Variants in PLAGL1 observed in about 807,000 individuals in gnomAD.
The protein encoded by PLAGL1 is zinc finger protein PLAGL1.
Under a neutral mutation model 4.6 loss-of-function variants are expected in PLAGL1, and 1 was observed. That is an observed-to-expected ratio of 0.22 (90% confidence interval 0.08 to 1.03). PLAGL1 has a LOEUF of 1.03. Ranked by LOEUF, PLAGL1 falls within the 50% of genes least tolerant of loss-of-function variation. PLAGL1 has a pLI of 0.58. For synonymous variants in PLAGL1, 240 were observed against 237.8 expected (o/e 1.01, Z -0.08); for missense variants, 464 against 570.4 (o/e 0.81, Z 1.90).
rs762221669 is a variant in PLAGL1, at chr6:143,947,421, C to A, written c.152+564G>T. 5.3e-5 allele frequency among the ~76,000 whole-genome samples: 8 copies of A among 152,350 alleles called. No homozygotes were observed. The highest frequency in any genetic ancestry group is 3.4e-3 in the Middle Eastern group (1 of 294). The stretch of plus-strand genomic sequence containing the variant: ...GAATCATATTTCTTCACTACTTATA[C>A]ACCTGAATGAGACAAACCCTCTCAG... On this transcript the variant is annotated intron_variant, in intron 7 of 7. Coordinates refer to ENST00000674357, the MANE Select transcript of PLAGL1 (RefSeq NM_001317162.2). The surrounding 1 kb of genome is among the most constrained non-coding windows in gnomAD (Gnocchi z 4.3).
chr6:143,974,538 T>C (rs1453387543), intron 2 of PLAGL1, among the ~76,000 whole-genome samples: 1 of 152,020 alleles, frequency 6.6e-6, no homozygotes, highest in East Asian at 1.9e-4. Context: ...AGGACAGAAA[T>C]GGACTTTGCA....
chr6:143,992,848 C>T (rs1456599862), intron 1 of PLAGL1, among the ~76,000 whole-genome samples: 7 of 149,350 alleles, frequency 4.7e-5, no homozygotes, highest in East Asian at 2.0e-4. Context: ...TGTGGTGGCG[C>T]GTGCCTGTAA....
intron 1 of PLAGL1, among the ~76,000 whole-genome samples, chr6:144,020,108 C>G (rs188129915): frequency 6.6e-6 from 1 of 152,140 alleles, no homozygotes; most frequent in Non-Finnish European, 1.5e-5. Flanking sequence ...CTCCTTCTCT[C>G]CCTCTCTCCA....
chr6:143,943,217 A>G (rs1382931547), intron 7 of PLAGL1, among the ~76,000 whole-genome samples: 4 of 151,790 alleles, frequency 2.6e-5, no homozygotes, highest in African/African-American at 9.7e-5. Flanking sequence ...TTCTGAACAA[A>G]GTATGCAAGT....
chr6:144,007,023 G>T (rs1361690266), intron 1 of PLAGL1: 1 of 152,148 alleles, frequency 6.6e-6, no homozygotes, highest in Non-Finnish European at 1.5e-5. Context: ...GAAAAACATT[G>T]TTCTTAAGGA....
chr6:144,010,858 G>T (rs1375206782), upstream of PLAGL1, among the ~76,000 whole-genome samples: 2 of 152,182 alleles, frequency 1.3e-5, no homozygotes, highest in Non-Finnish European at 2.9e-5. This position sits in a 1 kb window ranked among gnomAD's most constrained non-coding sequence, Gnocchi z 4.1. Context: ...ATAGGTAAAA[G>T]ATTCCCTAGT....
At chr6:143,974,110 C>T (rs952342259) in intron 2 of PLAGL1, among the ~76,000 whole-genome samples, 6 of 152,116 alleles carry the variant, frequency 3.9e-5, no homozygotes, top group African/African-American at 1.4e-4. Flanking sequence ...GTTACCTACA[C>T]GGAACAAATA....
In PLAGL1 at chr6:143,950,754, T is replaced by C. The variant is rs1780890836; in HGVS notation, c.-324-2294A>G. 1.3e-5 allele frequency among the ~76,000 whole-genome samples: 2 copies of C among 152,306 alleles called. No individual in the cohort carries two copies. Among genetic ancestry groups the C allele is most frequent in the South Asian group, 2.1e-4 (1 of 4,820 alleles). On this transcript the variant is annotated intron_variant, in intron 6 of 7. Coordinates refer to ENST00000674357, the MANE Select transcript of PLAGL1 (RefSeq NM_001317162.2). This position sits in a 1 kb window ranked among gnomAD's most constrained non-coding sequence, Gnocchi z 6.3. The stretch of plus-strand genomic sequence containing the variant: ...TCTCAACTTATCTCAGTAAGTTGAT[T>C]CTCCCCAATTCTTGCTTTATGAGAT...
upstream of PLAGL1, among the ~76,000 whole-genome samples, chr6:144,012,357 C>T (rs534237849): frequency 1.4e-4 from 22 of 151,992 alleles, no homozygotes; most frequent in Non-Finnish European, 2.9e-4. The surrounding 1 kb of genome is among the most constrained non-coding windows in gnomAD (Gnocchi z 4.8). Context: ...GGATTATAGG[C>T]GTGCACCATC....
In PLAGL1 at chr6:144,063,824, G is replaced by A. The variant is rs780819754; in HGVS notation, c.-151+644C>T. 2.4e-4 allele frequency among the ~76,000 whole-genome samples: 37 copies of A among 152,234 alleles called. No individual in the cohort carries two copies. The highest frequency in any genetic ancestry group is 5.0e-4 in the Non-Finnish European group (34 of 67,982). On this transcript the variant is annotated intron_variant, in intron 1 of 3. Transcript: ENST00000437412. This position sits in a 1 kb window ranked among gnomAD's most constrained non-coding sequence, Gnocchi z 5.7. Reference sequence around the variant, plus strand: ...GGCGTGTCCTGCCCGCCCCCATCAGGGGAGTCCTGCTCTCGAAATTATCCC... The same window carrying A: ...GGCGTGTCCTGCCCGCCCCCATCAGAGGAGTCCTGCTCTCGAAATTATCCC...
At position 144,027,151 on chromosome 6, in the gene PLAGL1, G is replaced by A. The variant is rs570390282; in HGVS notation, c.-151+37317C>T. 9.2e-5 allele frequency among the ~76,000 whole-genome samples: 14 copies of A among 151,902 alleles called. No individual in the cohort carries two copies. Among genetic ancestry groups the A allele is most frequent in the East Asian group, 1.9e-4 (1 of 5,172 alleles). The stretch of plus-strand genomic sequence containing the variant: ...AGGTGGGAGGATCACCTGAGCCCAC[G>A]AGTTTGAGGCTGTGGAGAGCCATGA... On this transcript the variant is annotated intron_variant, in intron 1 of 3. Coordinates refer to the PLAGL1 transcript ENST00000437412. This position sits in a 1 kb window ranked among gnomAD's most constrained non-coding sequence, Gnocchi z 5.8.
At chr6:144,038,046 G>A (rs904290898) in intron 1 of PLAGL1, among the ~76,000 whole-genome samples, 16 of 152,340 alleles carry the variant, frequency 1.1e-4, no homozygotes, top group Admixed American at 9.1e-4. Context: ...ACAATATCAA[G>A]TTGTCTAACA....
Position 144,059,277 on chromosome 6 carries a change from G to GAGC in PLAGL1, c.-151+5190_-151+5191insGCT, listed in dbSNP as rs1799215989. Among the ~76,000 whole-genome samples the GAGC allele has an allele frequency of 6.6e-6, 1 of 152,266 alleles. No homozygotes were observed. The highest frequency in any genetic ancestry group is 2.4e-5 in the African/African-American group (1 of 41,474). On this transcript the variant is annotated intron_variant, in intron 1 of 3. Coordinates refer to the PLAGL1 transcript ENST00000437412. This position sits in a 1 kb window ranked among gnomAD's most constrained non-coding sequence, Gnocchi z 4.9. ...AAGACTGGAACTGGAGCAGTGGAAT[G>GAGC]TGAGGAGCAGCTTCCCAGGGTGGTG...
intron 7 of PLAGL1, among the ~76,000 whole-genome samples, chr6:143,943,031 A>ATTTTTTTTTTTTTTTTGT (rs1778983834): frequency 1.5e-5 from 1 of 64,646 alleles, no homozygotes; most frequent in Non-Finnish European, 2.9e-5. Flanking sequence ...GGCCTGGCTA[A>ATTTTTTTTTTTTTTTTGT]TTTTTTTTTT....
upstream of PLAGL1, among the ~76,000 whole-genome samples, chr6:144,012,596 T>C (rs1795267947): frequency 1.3e-5 from 2 of 152,218 alleles, no homozygotes; most frequent in South Asian, 4.1e-4. The surrounding 1 kb of genome is among the most constrained non-coding windows in gnomAD (Gnocchi z 4.8). Context: ...TATCCAGAAG[T>C]CAGTCAAGCA....
At chr6:144,021,074 T>C (rs1795944290) in intron 1 of PLAGL1, among the ~76,000 whole-genome samples, 1 of 151,968 alleles carries the variant, frequency 6.6e-6, no homozygotes, top group Non-Finnish European at 1.5e-5. Flanking sequence ...ACTCTCTTTA[T>C]GATTCCATAG....
chr6:144,057,212 C>T (rs1799038100), intron 1 of PLAGL1, among the ~76,000 whole-genome samples: 3 of 152,200 alleles, frequency 2.0e-5, no homozygotes, highest in African/African-American at 4.8e-5. Flanking sequence ...TGCAAAGACA[C>T]ATTCACTTTT....
intron 1 of PLAGL1, among the ~76,000 whole-genome samples, chr6:144,019,301 G>A (rs778075669): frequency 1.5e-4 from 23 of 152,002 alleles, no homozygotes; most frequent in Non-Finnish European, 2.9e-4. Flanking sequence ...GTGAAACACC[G>A]TCTCTACTAA....
At position 143,992,719 on chromosome 6, in the gene PLAGL1, G is replaced by T. The variant is rs557516131; in HGVS notation, c.-583-7545C>A. Among the ~76,000 whole-genome samples the T allele has an allele frequency of 2.0e-5, 3 of 152,306 alleles. No homozygotes were observed. In the East Asian group the frequency reaches 5.8e-4, roughly 29 times the overall value. On this transcript the variant is annotated intron_variant, in intron 1 of 7. Transcript: ENST00000674357. Reference sequence around the variant, plus strand: ...AACAATTGAAATATGGTTGGGCGAGGTGGCTCATAGCACCTTGGGAGGCCA... The same window carrying T: ...AACAATTGAAATATGGTTGGGCGAGTTGGCTCATAGCACCTTGGGAGGCCA...
Sources: gnomAD v4.1 joint callset for allele counts (sites outside exome capture counted in the v4.1 genomes callset) on GRCh38, gnomAD v4.1.1 for gene constraint, Gnocchi (gnomAD v3.1) non-coding constraint, MANE v1.5 for transcripts, NCBI Gene and HGNC (gene_info 2026-07-23, HGNC 2026-07-21) for gene names.